SLC35E4: variants seen among roughly 807,000 people sequenced by gnomAD.
The protein encoded by SLC35E4 is solute carrier family 35 member E4.
In SLC35E4, 15 loss-of-function variants were observed where a neutral mutation model predicts 19.3. The ratio of observed to expected loss-of-function variants is 0.78; its 90% CI spans 0.52 to 1.20. The LOEUF (loss-of-function observed/expected upper bound fraction) is 1.20, where lower values mean the gene tolerates loss of function less well. Among genes scored for constraint, SLC35E4 ranks in the 50% most tolerant of loss-of-function variants. The pLI, the probability that SLC35E4 is intolerant of heterozygous loss-of-function variation, is 0.00. For synonymous variants in SLC35E4, 219 were observed against 219.9 expected (o/e 1.00, Z 0.04); for missense variants, 406 against 472.3 (o/e 0.86, Z 1.30).
chr22:30,656,001 C>T (rs2088331998), intron 2 of SLC35E4, among the ~76,000 whole-genome samples: 1 of 151,790 alleles, frequency 6.6e-6, no homozygotes, highest in Non-Finnish European at 1.5e-5. Context: ...GCAAAAGGGT[C>T]TCACTCTGTT....
downstream of SLC35E4, among the ~76,000 whole-genome samples, chr22:30,666,546 C>T (rs575797528): frequency 2.5e-4 from 35 of 138,906 alleles, no homozygotes; most frequent in South Asian, 3.8e-3. Flanking sequence ...TGCTTGAACC[C>T]GGGAGGCGGA....
chr22:30,635,847 G>T lies in SLC35E4; in HGVS notation c.-604G>T. Reference sequence around the variant, plus strand: ...CCAGAGCCGCAGCCAAAGCCTCAGAGAGCAGGAGTTGGAGCGCAGGCCCTG... The same window carrying T: ...CCAGAGCCGCAGCCAAAGCCTCAGATAGCAGGAGTTGGAGCGCAGGCCCTG... On this transcript the variant is annotated 5_prime_UTR_variant, in exon 1 of 2. Coordinates refer to ENST00000343605, the MANE Select transcript of SLC35E4 (RefSeq NM_001001479.4). 6.5e-6 allele frequency: 1 copy of T among 154,142 alleles called. No homozygotes were observed. Among genetic ancestry groups the T allele is most frequent in the South Asian group, 1.9e-4 (1 of 5,378 alleles). The allele number at this position is 154,142 out of a possible 1,614,324, so 9.5% of individuals were successfully genotyped here.
At chr22:30,645,998 G>A (rs998042407) in intron 1 of SLC35E4, among the ~76,000 whole-genome samples, 2 of 151,576 alleles carry the variant, frequency 1.3e-5, no homozygotes, top group Non-Finnish European at 2.9e-5. Context: ...TTTGTATTGT[G>A]TAGAGGCAGG....
chr22:30,661,273 CT>C (rs1260496449), intron 2 of SLC35E4, among the ~76,000 whole-genome samples: 1 of 152,080 alleles, frequency 6.6e-6, no homozygotes. Flanking sequence ...TGCTCAAAAT[CT>C]AAAACTTTTT....
chr22:30,657,497 G>A (rs1465002985), intron 2 of SLC35E4, among the ~76,000 whole-genome samples: 2 of 147,754 alleles, frequency 1.4e-5, no homozygotes, highest in East Asian at 4.1e-4. Flanking sequence ...AGTGGGTCGC[G>A]CCTATAATCC....
chr22:30,636,514 G>T lies in SLC35E4; in HGVS notation c.64G>T (p.Ala22Ser). 6.5e-7 allele frequency: 1 copy of T among 1,546,750 alleles called. No homozygotes were observed. Among genetic ancestry groups the T allele is most frequent in the East Asian group, 2.4e-5 (1 of 40,944 alleles). Residue 22 changes from alanine (A) to serine (S), a missense_variant, in exon 1 of 2, where the codon GCT (alanine) becomes TCT (serine). By Grantham distance (99) the Ala-to-Ser change is moderately conservative. Transcript: ENST00000343605. The stretch of plus-strand genomic sequence containing the variant: ...GACCTCAGCCGAAGTAGGAGCAGCA[G>T]CTGGTGGTGCTCAGGCGGCTGGGCC... ...RMTSAEVGAA[A>S]GGAQAAGPPE...
downstream of SLC35E4, chr22:30,668,101 T>C (rs1208075380): frequency 6.1e-6 from 1 of 163,942 alleles, no homozygotes; most frequent in Non-Finnish European, 1.5e-5. Context: ...TTCCAACTGT[T>C]TCTCGAACAG....
At chr22:30,648,194 A>C (rs1569060789), downstream of SLC35E4, among the ~76,000 whole-genome samples, 1 of 152,120 alleles carries the variant, frequency 6.6e-6, no homozygotes, top group African/African-American at 2.4e-5. Flanking sequence ...CTCTTGGGAC[A>C]AAGTCAGAAT....
At chr22:30,655,608 C>T (rs2088325461) in intron 2 of SLC35E4, among the ~76,000 whole-genome samples, 1 of 151,868 alleles carries the variant, frequency 6.6e-6, no homozygotes. Flanking sequence ...CCTTCCATAC[C>T]CAGGAACTAG....
Position 30,635,799 on chromosome 22 carries a change from C to G in SLC35E4, c.-652C>G. ...GCCGGGCGTGAGTCGCAGCAGGAGC[C>G]GCAGCCGGAGTCACAGCCGCAGCCA... is the stretch of plus-strand genomic sequence containing the variant. On this transcript the variant is annotated 5_prime_UTR_variant, in exon 1 of 2. Transcript: ENST00000343605. The G allele has an allele frequency of 6.4e-6, 1 of 155,976 alleles. No individual in the cohort carries two copies. The highest frequency in any genetic ancestry group is 1.4e-5 in the Non-Finnish European group (1 of 70,568). 9.7% of individuals were successfully genotyped at this position (155,976 alleles called of 1,614,324 possible).
downstream of SLC35E4, among the ~76,000 whole-genome samples, chr22:30,666,194 C>T (rs1401555234): frequency 6.6e-6 from 1 of 152,186 alleles, no homozygotes; most frequent in African/African-American, 2.4e-5. Context: ...GATGTCCCCC[C>T]AAACCAGTGC....
intron 2 of SLC35E4, among the ~76,000 whole-genome samples, chr22:30,653,539 T>C (rs2088269067): frequency 6.6e-6 from 1 of 151,980 alleles, no homozygotes; most frequent in Admixed American, 6.6e-5. Context: ...GCCCGGCTAA[T>C]TTTTTTGTAT....
At chr22:30,651,414 T>C (rs1158930168), downstream of SLC35E4, among the ~76,000 whole-genome samples, 3 of 79,820 alleles carry the variant, frequency 3.8e-5, no homozygotes, top group South Asian at 8.1e-4. Flanking sequence ...TATATATATA[T>C]ATATATATAT....
Position 30,662,141 on chromosome 22 carries a change from C to T in SLC35E4, c.*90C>T, listed in dbSNP as rs1356424414. On this transcript the variant is annotated 3_prime_UTR_variant, in exon 3 of 3. Coordinates refer to the SLC35E4 transcript ENST00000406566. ...AATGCCATTATGGGGATGTGTGTGC[C>T]GACCTGGGACCAGCAGGGTGAAAGA... 6 of 151,466 alleles carry T rather than the reference C, an allele frequency of 4.0e-5. No homozygotes were observed. In the East Asian group the frequency reaches 1.2e-3, roughly 30 times the overall value. The allele number at this position is 151,466 out of a possible 1,614,324, so 9.4% of individuals were successfully genotyped here. A position where few individuals can be genotyped will look rare whatever the true frequency, so the allele number is the denominator to read the frequency against.
downstream of SLC35E4, among the ~76,000 whole-genome samples, chr22:30,666,007 C>G (rs1271763657): frequency 6.6e-6 from 1 of 152,196 alleles, no homozygotes; most frequent in Non-Finnish European, 1.5e-5. Flanking sequence ...CAAATCCTAC[C>G]TGCCAATGCC....
At chr22:30,646,510 T>C in intron 1 of SLC35E4, 88 bp from the exon 2 acceptor site, 1 of 1,462,434 alleles carries the variant, frequency 6.8e-7, no homozygotes, top group South Asian at 1.3e-5. Context: ...CGGGTAGGCT[T>C]CTTGGAGGAT....
rs555110999 is a variant in SLC35E4, at chr22:30,640,064, G to A, written c.619+2995G>A. Among the ~76,000 whole-genome samples, 450 of 152,300 alleles carry A rather than the reference G, an allele frequency of 3.0e-3. 1 individual carries two copies. The highest frequency in any genetic ancestry group is 9.7e-3 in the African/African-American group (403 of 41,562). ...ATTTGGGAAACTAATAAATGTCCAT[G>A]AAATCTTCACAATCCACGTTCTTCT... On this transcript the variant is annotated intron_variant, in intron 1 of 1. Transcript: ENST00000343605.
chr22:30,651,427 ATTTTTTTTTTTT>A (rs1160256288), downstream of SLC35E4, among the ~76,000 whole-genome samples: 34 of 22,056 alleles, frequency 1.5e-3, no homozygotes, highest in Admixed American at 2.6e-3. Flanking sequence ...ATATATATAT[ATTTTTTTTTTTT>A]TTTTTTTTTT....
At chr22:30,665,890 A>G (rs979489302), downstream of SLC35E4, among the ~76,000 whole-genome samples, 12 of 152,106 alleles carry the variant, frequency 7.9e-5, no homozygotes, top group African/African-American at 2.7e-4. Flanking sequence ...GGTTTTCTGG[A>G]AAGAATGAGT....
Sources: allele counts gnomAD v4.1 joint callset (sites outside exome capture counted in the v4.1 genomes callset), GRCh38; gene constraint gnomAD v4.1.1; transcripts MANE v1.5; gene names NCBI Gene and HGNC (gene_info 2026-07-23, HGNC 2026-07-21).